Variants in KCNB2 observed in about 807,000 individuals in gnomAD.
KCNB2 encodes potassium voltage-gated channel subfamily B member 2.
KCNB2 carries 15 observed loss-of-function variants against 61.5 expected under a neutral mutation model. The observed-to-expected ratio is 0.24, with a 90% CI of 0.16 to 0.38. KCNB2 has a LOEUF of 0.38. KCNB2 is among the 10% of genes least tolerant of loss of function. The pLI is 1.00. For synonymous variants in KCNB2, 457 were observed against 446.0 expected (o/e 1.02, Z -0.31); for missense variants, 828 against 1,125.2 (o/e 0.74, Z 3.78).
intron 2 of KCNB2, among the ~76,000 whole-genome samples, chr8:72,925,126 T>C (rs1806613959): frequency 6.6e-6 from 1 of 152,208 alleles, no homozygotes. Context: ...TTTTGTTTTT[T>C]CTTTCTTTCA....
intron 2 of KCNB2, among the ~76,000 whole-genome samples, chr8:72,569,916 G>T (rs1482477190): frequency 6.6e-6 from 1 of 152,068 alleles, no homozygotes; most frequent in Admixed American, 6.5e-5. Context: ...AGTTTGAAAG[G>T]TTACTGTGGT....
At chr8:72,785,622 A>T (rs1585892347) in intron 2 of KCNB2, among the ~76,000 whole-genome samples, 1 of 152,154 alleles carries the variant, frequency 6.6e-6, no homozygotes, top group Admixed American at 6.5e-5. Flanking sequence ...TTTTTTTGAC[A>T]TCCTGTTTTA....
intron 2 of KCNB2, among the ~76,000 whole-genome samples, chr8:72,595,745 T>C (rs1410263991): frequency 1.3e-5 from 2 of 152,208 alleles, no homozygotes; most frequent in African/African-American, 4.8e-5. Context: ...TTCCCGTATT[T>C]GGCCCAGCCT....
At chr8:72,577,250 C>A (rs1201066604) in intron 2 of KCNB2, among the ~76,000 whole-genome samples, 2 of 152,012 alleles carry the variant, frequency 1.3e-5, no homozygotes, top group African/African-American at 4.8e-5. Context: ...GCAGCCCTCA[C>A]TGAGTAGTAC....
intron 2 of KCNB2, among the ~76,000 whole-genome samples, chr8:72,929,954 C>T (rs925224133): frequency 8.7e-6 from 1 of 115,204 alleles, no homozygotes; most frequent in Non-Finnish European, 1.7e-5. Context: ...CCCCCCTCCC[C>T]CCACCCCACA....
At chr8:72,779,081 G>A (rs1808712593) in intron 2 of KCNB2, among the ~76,000 whole-genome samples, 2 of 152,136 alleles carry the variant, frequency 1.3e-5, no homozygotes, top group African/African-American at 4.8e-5. Flanking sequence ...ACAAACTGCT[G>A]GAAAGGAGCC....
chr8:72,821,659 A>AAAAC lies in KCNB2; in HGVS notation c.580-114275_580-114274insAACA, dbSNP rs1554535735. Among the ~76,000 whole-genome samples the AAAAC allele has an allele frequency of 2.2e-3, 256 of 116,912 alleles. 17 individuals are homozygous for AAAAC. The highest frequency in any genetic ancestry group is 3.5e-3 in the South Asian group (10 of 2,854). The allele number at this position is 116,912 out of a possible 152,430, so 76.7% of individuals were successfully genotyped here. Reference sequence around the variant, plus strand: ...AAAAAAACAAAAAAAAAAAAAAAAAAACACACACACACCAAGCCCCCACAG... The same window carrying AAAAC: ...AAAAAAACAAAAAAAAAAAAAAAAAAAAACACACACACACACCAAGCCCCCACAG... On this transcript the variant is annotated intron_variant, in intron 2 of 2. Transcript: ENST00000523207.
At position 72,738,488 on chromosome 8, in the gene KCNB2, C is replaced by T. The variant is rs187779156; in HGVS notation, c.579+170175C>T. The stretch of plus-strand genomic sequence containing the variant: ...GTCTTCTAAGATAGCAACTGCCAGC[C>T]CCAAGTTTGTTTCCTCCTTCTCAGC... On this transcript the variant is annotated intron_variant, in intron 2 of 2. Transcript: ENST00000523207. Among the ~76,000 whole-genome samples, 9 of 152,264 alleles carry T rather than the reference C, an allele frequency of 5.9e-5. No homozygotes were observed. In the East Asian group the frequency reaches 1.7e-3, roughly 29 times the overall value.
chr8:72,697,057 C>G (rs1213968264), intron 2 of KCNB2, among the ~76,000 whole-genome samples: 1 of 152,162 alleles, frequency 6.6e-6, no homozygotes, highest in Admixed American at 6.5e-5. Context: ...ATCACTACTG[C>G]CTTATTGTTG....
intron 2 of KCNB2, among the ~76,000 whole-genome samples, chr8:72,596,614 C>T (rs1474389575): frequency 6.6e-6 from 1 of 152,160 alleles, no homozygotes; most frequent in Non-Finnish European, 1.5e-5. Flanking sequence ...CAAGAAATTG[C>T]ATTCTATTTA....
At chr8:72,724,110 A>G (rs915770473) in intron 2 of KCNB2, among the ~76,000 whole-genome samples, 4 of 152,070 alleles carry the variant, frequency 2.6e-5, no homozygotes, top group Non-Finnish European at 4.4e-5. Context: ...CTTCTGCTCA[A>G]TTACTCTCTG....
chr8:72,686,658 G>A (rs546943079), intron 2 of KCNB2, among the ~76,000 whole-genome samples: 19 of 152,122 alleles, frequency 1.2e-4, no homozygotes, highest in Non-Finnish European at 2.5e-4. Context: ...ATTCATCATC[G>A]AGTGTTCGGT....
At chr8:72,773,297 A>G (rs2255512) in intron 2 of KCNB2, among the ~76,000 whole-genome samples, 84,241 of 151,992 alleles carry the variant, frequency 0.55, 25,456 homozygotes, top group African/African-American at 0.8. Context: ...CCAACTACTC[A>G]TATGTCTTCC....
intron 2 of KCNB2, among the ~76,000 whole-genome samples, chr8:72,656,063 G>A (rs1806286472): frequency 6.6e-6 from 1 of 152,126 alleles, no homozygotes; most frequent in Admixed American, 6.6e-5. Flanking sequence ...ACCAGTGCAT[G>A]CCAAAGCACA....
intron 2 of KCNB2, among the ~76,000 whole-genome samples, chr8:72,645,869 CT>C (rs1164506159): frequency 3.3e-5 from 5 of 152,134 alleles, no homozygotes; most frequent in Non-Finnish European, 7.4e-5. Context: ...ATTGGTGAGT[CT>C]TCACAACTGT....
At chr8:72,668,947 G>A (rs776941827) in intron 2 of KCNB2, among the ~76,000 whole-genome samples, 3 of 152,224 alleles carry the variant, frequency 2.0e-5, no homozygotes, top group Non-Finnish European at 4.4e-5. Context: ...ATGTGTGTGT[G>A]TGTCTTTTCT....
At chr8:72,590,146 T>G (rs1807071581) in intron 2 of KCNB2, among the ~76,000 whole-genome samples, 1 of 152,174 alleles carries the variant, frequency 6.6e-6, no homozygotes, top group Non-Finnish European at 1.5e-5. Flanking sequence ...CCCAGAGTCA[T>G]TTTACTCTTC....
chr8:72,794,946 A>G (rs1031624871), intron 2 of KCNB2, among the ~76,000 whole-genome samples: 1 of 151,890 alleles, frequency 6.6e-6, no homozygotes, highest in Admixed American at 6.6e-5. Flanking sequence ...GGAAAAAAAA[A>G]GTTGTGTCTC....
At chr8:72,808,264 T>C (rs954406650) in intron 2 of KCNB2, among the ~76,000 whole-genome samples, 3 of 152,244 alleles carry the variant, frequency 2.0e-5, no homozygotes, top group African/African-American at 7.2e-5. Context: ...ATCTATACTT[T>C]GATCAGAAGT....
Sources: allele counts gnomAD v4.1 joint callset (sites outside exome capture counted in the v4.1 genomes callset), GRCh38; gene constraint gnomAD v4.1.1; transcripts MANE v1.5; gene names NCBI Gene and HGNC (gene_info 2026-07-23, HGNC 2026-07-21).